The following RAI1 variants were observed in gnomAD, a reference collection of about 807,000 sequenced individuals.
RAI1 encodes retinoic acid-induced protein 1.
RAI1 carries 9 observed loss-of-function variants against 123.8 expected under a neutral mutation model. The ratio of observed to expected loss-of-function variants is 0.07; its 90% CI spans 0.04 to 0.13. The LOEUF (loss-of-function observed/expected upper bound fraction) is 0.13, where lower values mean the gene tolerates loss of function less well. Ranked by LOEUF, RAI1 falls within the 10% of genes least tolerant of loss-of-function variation. RAI1 has a pLI of 1.00. For missense variants in RAI1, 2,256 were observed against 2,545.8 expected (o/e 0.89, Z 2.45); for synonymous variants, 1,231 against 1,127.3 (o/e 1.09, Z -1.84).
chr17:17,697,930 C>G (rs1351666245), intron 1 of RAI1, among the ~76,000 whole-genome samples: 2 of 152,228 alleles, frequency 1.3e-5, no homozygotes, highest in East Asian at 1.9e-4. Flanking sequence ...GGATCTCTCT[C>G]ACCCACTTTT....
At chr17:17,802,642 G>T (rs1170281952) in intron 3 of RAI1, among the ~76,000 whole-genome samples, 1 of 152,170 alleles carries the variant, frequency 6.6e-6, no homozygotes, top group Non-Finnish European at 1.5e-5. Flanking sequence ...CTGGCGTGGT[G>T]GCGGGCACCT....
intron 2 of RAI1, among the ~76,000 whole-genome samples, chr17:17,761,282 A>G (rs1275224564): frequency 6.6e-6 from 1 of 151,410 alleles, no homozygotes; most frequent in Non-Finnish European, 1.5e-5. Context: ...TGCCCAAGGA[A>G]GTGGGGGTGG....
At chr17:17,798,843 G>T (rs369063156) in intron 3 of RAI1, among the ~76,000 whole-genome samples, 1 of 152,172 alleles carries the variant, frequency 6.6e-6, no homozygotes, top group South Asian at 2.1e-4. Context: ...TGCTGTCACC[G>T]GAGATGCCAA....
intron 1 of RAI1, among the ~76,000 whole-genome samples, chr17:17,698,582 A>C (rs1440920823): frequency 1.3e-5 from 2 of 152,116 alleles, no homozygotes; most frequent in African/African-American, 2.4e-5. Flanking sequence ...ACCGGAGGTG[A>C]GGGGGTGGGC....
intron 1 of RAI1, among the ~76,000 whole-genome samples, chr17:17,698,546 C>A (rs964388363): frequency 4.6e-5 from 7 of 152,208 alleles, no homozygotes; most frequent in African/African-American, 1.7e-4. Context: ...CTGCTGAGGG[C>A]CCCCCTGGGG....
In RAI1 at chr17:17,717,043, G is replaced by A. The variant is rs190067753; in HGVS notation, c.-148-6985G>A. 1.8e-3 allele frequency among the ~76,000 whole-genome samples: 274 copies of A among 152,350 alleles called. 2 individuals carry two copies. Among genetic ancestry groups the A allele is most frequent in the African/African-American group, 6.2e-3 (257 of 41,578 alleles). Reference sequence around the variant, plus strand: ...TCTGTGGCTGGGGCCTGTGCCTGAGGTCAGAAGTCCATTTGTGGAAGAGGC... The same window carrying A: ...TCTGTGGCTGGGGCCTGTGCCTGAGATCAGAAGTCCATTTGTGGAAGAGGC... On this transcript the variant is annotated intron_variant, in intron 1 of 5. Transcript: ENST00000353383.
At position 17,795,421 on chromosome 17, in the gene RAI1, C is replaced by T. The variant is rs1173985105; in HGVS notation, c.2473C>T (p.Leu825=). The change falls in exon 3 of 6, where the codon CTG becomes TTG. Residue 825 remains leucine, a synonymous_variant. Transcript: ENST00000353383. The surrounding 1 kb of genome is among the most constrained non-coding windows in gnomAD (Gnocchi z 5.9). ...VGGVKEEAGG[L]LQCPEVAKAD... is the part of the protein sequence containing the mutation. The stretch of plus-strand genomic sequence containing the variant: ...TGGGGTGAAGGAGGAGGCAGGTGGG[C>T]TGCTGCAGTGCCCCGAGGTGGCCAA... 2 of 1,589,820 alleles carry T rather than the reference C, an allele frequency of 1.3e-6. No individual in the cohort carries two copies. The highest frequency in any genetic ancestry group is 1.1e-5 in the South Asian group (1 of 88,206).
intron 2 of RAI1, among the ~76,000 whole-genome samples, chr17:17,739,165 GC>G (rs1916535392): frequency 6.6e-6 from 1 of 152,190 alleles, no homozygotes; most frequent in East Asian, 1.9e-4. Context: ...GCAGCCACGT[GC>G]CCAGTAAAGG....
At chr17:17,775,494 A>G (rs954916168) in intron 2 of RAI1, among the ~76,000 whole-genome samples, 4 of 151,954 alleles carry the variant, frequency 2.6e-5, no homozygotes, top group African/African-American at 9.7e-5. Context: ...GTGAGCCACC[A>G]TGCCTGGCCT....
At chr17:17,699,635 G>GGA (rs1915148327) in intron 1 of RAI1, among the ~76,000 whole-genome samples, 1 of 147,972 alleles carries the variant, frequency 6.8e-6, no homozygotes, top group Non-Finnish European at 1.5e-5. Flanking sequence ...GGGCCGGGGG[G>GGA]GGGGGAATCA....
intron 2 of RAI1, among the ~76,000 whole-genome samples, chr17:17,774,803 C>T (rs1481289640): frequency 5.3e-5 from 8 of 152,204 alleles, no homozygotes; most frequent in African/African-American, 1.7e-4. Flanking sequence ...GCTGCATGTA[C>T]GTTGTCTCCT....
chr17:17,766,458 C>T (rs2142993799), intron 2 of RAI1, among the ~76,000 whole-genome samples: 1 of 152,372 alleles, frequency 6.6e-6, no homozygotes, highest in Middle Eastern at 3.4e-3. Flanking sequence ...CGTCCGAGGC[C>T]TGCTTCTATT....
intron 1 of RAI1, among the ~76,000 whole-genome samples, chr17:17,696,432 C>A (rs1915038153): frequency 1.3e-5 from 2 of 152,134 alleles, no homozygotes; most frequent in Admixed American, 1.3e-4. Flanking sequence ...GGGTTTTTCG[C>A]TTTGTGTTTT....
At chr17:17,693,197 A>G (rs975065895) in intron 1 of RAI1, among the ~76,000 whole-genome samples, 14 of 152,198 alleles carry the variant, frequency 9.2e-5, no homozygotes, top group Non-Finnish European at 1.9e-4. Context: ...AGCTCTCATC[A>G]CAGTGCCTGG....
chr17:17,693,072 C>A (rs551338130), intron 1 of RAI1, among the ~76,000 whole-genome samples: 1 of 152,198 alleles, frequency 6.6e-6, no homozygotes, highest in Non-Finnish European at 1.5e-5. Context: ...TAGGGCTTCC[C>A]GACACTGCCA....
At chr17:17,759,946 G>A (rs1429926297) in intron 2 of RAI1, among the ~76,000 whole-genome samples, 2 of 152,212 alleles carry the variant, frequency 1.3e-5, no homozygotes, top group Non-Finnish European at 2.9e-5. Flanking sequence ...GGATGCTTGG[G>A]GTAATAGATG....
At chr17:17,706,104 A>G (rs1368742557) in intron 1 of RAI1, among the ~76,000 whole-genome samples, 1 of 151,258 alleles carries the variant, frequency 6.6e-6, no homozygotes, top group Non-Finnish European at 1.5e-5. Context: ...GAGGTAGCGC[A>G]CAGGCCAGCA....
At chr17:17,776,658 C>CTTTTTTTTTTTTTTTTT in intron 2 of RAI1, 1 of 59,368 alleles carries the variant, frequency 1.7e-5, no homozygotes, top group African/African-American at 7.7e-5. Flanking sequence ...GCCTGGCTCA[C>CTTTTTTTTTTTTTTTTT]TTTTTTTTTT....
chr17:17,705,289 C>T (rs1242628312), intron 1 of RAI1, among the ~76,000 whole-genome samples: 5 of 152,242 alleles, frequency 3.3e-5, no homozygotes, highest in African/African-American at 4.8e-5. Flanking sequence ...TTTTCTCACT[C>T]ATTTGTTTGC....
Sources: allele counts gnomAD v4.1 joint callset (sites outside exome capture counted in the v4.1 genomes callset), GRCh38; gene constraint gnomAD v4.1.1; non-coding constraint Gnocchi (gnomAD v3.1); transcripts MANE v1.5; gene names NCBI Gene and HGNC (gene_info 2026-07-23, HGNC 2026-07-21).